Variants in USP25 observed in about 807,000 individuals in gnomAD.
USP25 encodes ubiquitin specific peptidase 25.
USP25 carries 85 observed loss-of-function variants against 158.5 expected under a neutral mutation model. That is an observed-to-expected ratio of 0.54 (90% CI 0.45 to 0.64). The LOEUF is 0.64. USP25 is among the 30% of genes least tolerant of loss of function. The pLI is 0.00. For synonymous variants in USP25, 464 were observed against 460.4 expected (o/e 1.01, Z -0.10); for missense variants, 1,242 against 1,327.3 (o/e 0.94, Z 1.00).
At chr21:15,833,315 ATT>A (rs765490172) in intron 16 of USP25, 31 bp from the exon 17 acceptor site, 2 of 1,585,294 alleles carry the variant, frequency 1.3e-6, no homozygotes, top group South Asian at 1.2e-5. Flanking sequence ...TTAATTCTTA[ATT>A]TTATACTAGT....
chr21:15,850,518 T>G (rs1016393286), intron 20 of USP25, among the ~76,000 whole-genome samples: 2 of 152,018 alleles, frequency 1.3e-5, no homozygotes, highest in Admixed American at 6.6e-5. Flanking sequence ...CATGTATGTT[T>G]TGTCATTTTA....
intron 1 of USP25, among the ~76,000 whole-genome samples, chr21:15,731,605 A>C (rs1461909648): frequency 6.6e-6 from 1 of 152,200 alleles, no homozygotes; most frequent in East Asian, 1.9e-4. Flanking sequence ...AAGATACTCA[A>C]GTTTGGAAAG....
intron 1 of USP25, among the ~76,000 whole-genome samples, chr21:15,737,139 A>G (rs1166411034): frequency 6.6e-6 from 1 of 151,830 alleles, no homozygotes; most frequent in Non-Finnish European, 1.5e-5. Flanking sequence ...TACGTCACTT[A>G]TCTTTCTTCC....
At chr21:15,832,537 A>G (rs988964913) in intron 16 of USP25, among the ~76,000 whole-genome samples, 1 of 152,198 alleles carries the variant, frequency 6.6e-6, no homozygotes, top group Non-Finnish European at 1.5e-5. Context: ...AATTTTCATA[A>G]TTGCATATTT....
intron 2 of USP25, among the ~76,000 whole-genome samples, chr21:15,765,473 G>A (rs461182): frequency 0.97 from 147,412 of 151,976 alleles, 71,427 homozygotes; most frequent in East Asian, 1. Context: ...CTAGAGTTCT[G>A]TGTGTCTTTC....
chr21:15,762,150 C>A (rs2033768612), intron 1 of USP25, among the ~76,000 whole-genome samples: 1 of 122,588 alleles, frequency 8.2e-6, no homozygotes, highest in African/African-American at 4.3e-5. Context: ...TCAATAGATC[C>A]TATTCTATTG....
chr21:15,848,909 T>C (rs1254694183), intron 19 of USP25, among the ~76,000 whole-genome samples: 1 of 152,194 alleles, frequency 6.6e-6, no homozygotes, highest in Non-Finnish European at 1.5e-5. Context: ...TTCTGTAAGA[T>C]AGCTTCATAG....
At chr21:15,753,684 T>G (rs1005134634) in intron 1 of USP25, among the ~76,000 whole-genome samples, 2 of 151,354 alleles carry the variant, frequency 1.3e-5, no homozygotes, top group African/African-American at 4.9e-5. Flanking sequence ...TATGTATGCT[T>G]CTCGTTCCTG....
chr21:15,796,653 G>A (rs1419578507), intron 5 of USP25, among the ~76,000 whole-genome samples: 1 of 151,428 alleles, frequency 6.6e-6, no homozygotes. Flanking sequence ...ATAGTTTTAA[G>A]TTATCTCAGA....
At chr21:15,874,293 T>G in intron 23 of USP25, 110 bp from the exon 24 acceptor site, 2 of 997,274 alleles carry the variant, frequency 2.0e-6, no homozygotes, top group Non-Finnish European at 2.8e-6. Context: ...TTTATTATAA[T>G]GTAGATTATC....
In USP25 at chr21:15,860,192, T is replaced by G. The variant is rs142438358; in HGVS notation, c.2548-4076T>G. ...GTTTGAGACGGAGTCTCACACTGTT[T>G]CCCAGGCTGGAGTGCAATGGCATGA... On this transcript the variant is annotated intron_variant, in intron 20 of 25. Transcript: ENST00000400183. Among the ~76,000 whole-genome samples the G allele has an allele frequency of 3.1e-3, 477 of 152,010 alleles. 6 individuals carry two copies. Among genetic ancestry groups the G allele is most frequent in the African/African-American group, 0.011 (459 of 41,462 alleles).
chr21:15,737,391 CATTT>C (rs1411642872), intron 1 of USP25, among the ~76,000 whole-genome samples: 1 of 152,060 alleles, frequency 6.6e-6, no homozygotes, highest in African/African-American at 2.4e-5. Flanking sequence ...AATATATTTT[CATTT>C]ATTTGTTAAA....
intron 20 of USP25, among the ~76,000 whole-genome samples, chr21:15,851,923 A>G (rs1025460497): frequency 3.3e-5 from 5 of 151,940 alleles, no homozygotes; most frequent in African/African-American, 4.8e-5. Context: ...TCCATATTTC[A>G]TATATTTTTC....
At chr21:15,781,643 G>A (rs2034970316) in intron 4 of USP25, among the ~76,000 whole-genome samples, 1 of 152,114 alleles carries the variant, frequency 6.6e-6, no homozygotes, top group Admixed American at 6.5e-5. Context: ...TAGCTCCACA[G>A]GGAGGAGACC....
At chr21:15,861,358 A>AAAGTT (rs1175039075) in intron 20 of USP25, among the ~76,000 whole-genome samples, 2 of 152,308 alleles carry the variant, frequency 1.3e-5, no homozygotes, top group Non-Finnish European at 2.9e-5. Flanking sequence ...AAAAGTTAAA[A>AAAGTT]AAATTAAATA....
chr21:15,764,785 T>C (rs2033938124), intron 2 of USP25, among the ~76,000 whole-genome samples: 1 of 152,118 alleles, frequency 6.6e-6, no homozygotes, highest in Non-Finnish European at 1.5e-5. Flanking sequence ...CACTTAGGAA[T>C]CGTCTAATGA....
intron 10 of USP25, among the ~76,000 whole-genome samples, chr21:15,819,467 G>A (rs187431549): frequency 6.6e-6 from 1 of 152,258 alleles, no homozygotes; most frequent in Admixed American, 6.5e-5. Flanking sequence ...CACTGTAATA[G>A]TAAGCAAAGG....
At chr21:15,815,686 T>A (rs2036903325) in intron 9 of USP25, among the ~76,000 whole-genome samples, 1 of 152,180 alleles carries the variant, frequency 6.6e-6, no homozygotes, top group Non-Finnish European at 1.5e-5. Context: ...ATGGCTGTAT[T>A]TACCCAGTAC....
Position 15,877,969 on chromosome 21 carries a change from C to A in USP25, c.3183C>A (p.Ser1061=). ...AAGATATGAGAAATCGATGGTGTTC[C>A]TACCTTGGTCAAGAAATGGAACGTA... ...AVEDMRNRWC[S]YLGQEMEPHL... Residue 1061 remains serine, a synonymous_variant, in exon 25 of 26, where the codon TCC becomes TCA. Transcript: ENST00000400183. 6.2e-7 allele frequency: 1 copy of A among 1,609,986 alleles called. No individual in the cohort carries two copies.
Sources: allele counts gnomAD v4.1 joint callset (sites outside exome capture counted in the v4.1 genomes callset), GRCh38; gene constraint gnomAD v4.1.1; transcripts MANE v1.5; gene names NCBI Gene and HGNC (gene_info 2026-07-23, HGNC 2026-07-21).